WWC1: variants seen among roughly 807,000 people sequenced by gnomAD.
The protein encoded by WWC1 is protein KIBRA.
A neutral mutation model predicts 138.4 loss-of-function variants in WWC1; 55 were observed. That is an observed-to-expected ratio of 0.40 (90% CI 0.32 to 0.50). WWC1 has a LOEUF of 0.50. WWC1 is among the 20% of genes least tolerant of loss of function. The pLI is 0.72. For missense variants in WWC1, 1,226 were observed against 1,420.4 expected (o/e 0.86, Z 2.20); for synonymous variants, 524 against 564.9 (o/e 0.93, Z 1.03).
chr5:168,409,644 AG>A (rs2152840084), intron 7 of WWC1, among the ~76,000 whole-genome samples: 1 of 152,260 alleles, frequency 6.6e-6, no homozygotes, highest in African/African-American at 2.4e-5. Context: ...ATGGGCACCA[AG>A]CCAAGCCATT....
At chr5:168,311,875 TAA>T (rs879658323) in intron 1 of WWC1, among the ~76,000 whole-genome samples, 6 of 136,456 alleles carry the variant, frequency 4.4e-5, no homozygotes, top group Admixed American at 1.5e-4. Flanking sequence ...AGACTCAGTC[TAA>T]AAAAAAAAAA....
At chr5:168,467,382 A>G (rs192891369) in intron 21 of WWC1, among the ~76,000 whole-genome samples, 50 of 152,338 alleles carry the variant, frequency 3.3e-4, no homozygotes, top group African/African-American at 1.2e-3. Context: ...AAGTGTTTAC[A>G]TACGTTTACA....
chr5:168,373,227 A>T (rs546308623), intron 2 of WWC1, among the ~76,000 whole-genome samples: 10 of 152,280 alleles, frequency 6.6e-5, no homozygotes, highest in African/African-American at 2.4e-4. Flanking sequence ...CCCCTCATTA[A>T]AATCTCATGG....
chr5:168,424,796 C>T (rs774441081), intron 11 of WWC1, among the ~76,000 whole-genome samples: 3 of 152,130 alleles, frequency 2.0e-5, no homozygotes, highest in Non-Finnish European at 4.4e-5. Flanking sequence ...ATCCTAATTG[C>T]ACTGGGGACC....
At chr5:168,355,360 G>C (rs557388369) in intron 1 of WWC1, among the ~76,000 whole-genome samples, 7 of 152,180 alleles carry the variant, frequency 4.6e-5, no homozygotes, top group Middle Eastern at 3.4e-3. Context: ...CGGGCATGGT[G>C]GTGGGGGCCT....
intron 1 of WWC1, among the ~76,000 whole-genome samples, chr5:168,326,270 T>C (rs1194696204): frequency 1.4e-5 from 2 of 146,360 alleles, no homozygotes; most frequent in African/African-American, 5.0e-5. Context: ...CAGACTGGAG[T>C]GCAATAGCGT....
rs779822717 is a variant in WWC1, at chr5:168,397,799, G to A, written c.509G>A (p.Arg170Gln). ...LKAEIATAKS[R>Q]VNKLKREMVH... is the part of the protein sequence containing the mutation. ...GCTGAAATTGCCACTGCAAAATCCC[G>A]GGTAGGACCTCTTCACCTATGCTAT... Residue 170 changes from arginine (R) to glutamine (Q), a missense_variant and splice_region_variant, in exon 4 of 23, where the codon CGG becomes CAG. Physicochemically the swap from Arg to Gln is conservative, Grantham distance 43. Around this residue, in one of 3 missense-constraint regions of WWC1, gnomAD observed 1,016 missense variants for 1,153.9 expected, o/e 0.88. Coordinates refer to ENST00000265293, the MANE Select transcript of WWC1 (RefSeq NM_015238.3). The A allele has an allele frequency of 9.9e-6, 16 of 1,613,836 alleles. No homozygotes were observed. Among genetic ancestry groups the A allele is most frequent in the Middle Eastern group, 1.6e-4 (1 of 6,082 alleles).
At position 168,385,208 on chromosome 5, in the gene WWC1, C is replaced by T. The variant is rs1235376290; in HGVS notation, c.230-3C>T. Reference sequence around the variant, plus strand: ...GACCTAGAATCTCTGGGGTCTGTTCCAGAAACCACTCAGATTGAGGATCCT... The same window carrying T: ...GACCTAGAATCTCTGGGGTCTGTTCTAGAAACCACTCAGATTGAGGATCCT... On this transcript the variant is annotated splice_polypyrimidine_tract_variant and splice_region_variant and intron_variant, in intron 2 of 22. Transcript: ENST00000265293. 1.1e-5 allele frequency: 17 copies of T among 1,614,066 alleles called. No individual in the cohort carries two copies. Among genetic ancestry groups the T allele is most frequent in the Non-Finnish European group, 1.4e-5 (16 of 1,179,978 alleles).
At chr5:168,308,112 A>G (rs1240945567) in intron 1 of WWC1, among the ~76,000 whole-genome samples, 3 of 152,170 alleles carry the variant, frequency 2.0e-5, no homozygotes, top group Admixed American at 6.5e-5. Flanking sequence ...ACTAGAAGTC[A>G]AGTGGGTCTT....
At chr5:168,409,718 C>A (rs1390739622) in intron 7 of WWC1, among the ~76,000 whole-genome samples, 2 of 152,198 alleles carry the variant, frequency 1.3e-5, no homozygotes, top group African/African-American at 4.8e-5. Context: ...GATGTCTGAG[C>A]GTACGGTTCT....
chr5:168,315,291 C>G (rs978415871), intron 1 of WWC1, among the ~76,000 whole-genome samples: 1 of 151,994 alleles, frequency 6.6e-6, no homozygotes, highest in Non-Finnish European at 1.5e-5. Flanking sequence ...GGCCGCCACC[C>G]TAAGCCTACT....
chr5:168,460,871 C>G, intron 20 of WWC1, 129 bp downstream of exon 20: 1 of 950,142 alleles, frequency 1.1e-6, no homozygotes, highest in South Asian at 1.5e-5. Flanking sequence ...AAATGTTGCT[C>G]TCTCAAGCAT....
In WWC1 at chr5:168,292,228, G is replaced by A; in HGVS notation, c.76G>A (p.Asp26Asn). The A allele has an allele frequency of 6.3e-7, 1 of 1,591,698 alleles. No individual in the cohort carries two copies. The highest frequency in any genetic ancestry group is 1.1e-5 in the South Asian group (1 of 87,312). ...CTTCGACGGCAAGGTCTACTACATA[G>A]ACCACACGAACCGCACCACCAGCTG... ...RDFDGKVYYI[D>N]HTNRTTSWID... Residue 26 changes from aspartate to asparagine, a missense_variant, in exon 1 of 23, where the codon GAC becomes AAC. Around this residue, in one of 3 missense-constraint regions of WWC1, gnomAD observed 1,016 missense variants for 1,153.9 expected, o/e 0.88. Coordinates refer to ENST00000265293, the MANE Select transcript of WWC1 (RefSeq NM_015238.3). The surrounding 1 kb of genome is among the most constrained non-coding windows in gnomAD (Gnocchi z 4.4).
intron 16 of WWC1, 92 bp from the exon 17 acceptor site, chr5:168,444,401 TG>T: frequency 1.6e-6 from 2 of 1,270,970 alleles, no homozygotes; most frequent in Non-Finnish European, 2.2e-6. Context: ...ATCAATTCAC[TG>T]GGAGGGTCAC....
chr5:168,369,808 T>A (rs947029519), intron 1 of WWC1, among the ~76,000 whole-genome samples: 1 of 152,148 alleles, frequency 6.6e-6, no homozygotes. Flanking sequence ...TAAGTTGGAT[T>A]TGGAGTGAGT....
At chr5:168,359,036 GTGT>G (rs1775680623) in intron 1 of WWC1, among the ~76,000 whole-genome samples, 2 of 16,876 alleles carry the variant, frequency 1.2e-4, no homozygotes, top group South Asian at 3.0e-3. Flanking sequence ...GTGGTGGGGT[GTGT>G]GTGTGTGTGT....
intron 1 of WWC1, among the ~76,000 whole-genome samples, chr5:168,345,052 G>T (rs571433194): frequency 6.6e-6 from 1 of 152,190 alleles, no homozygotes; most frequent in South Asian, 2.1e-4. Flanking sequence ...AATATTGAAG[G>T]TTTTATCTGT....
chr5:168,307,504 T>A (rs951370900), intron 1 of WWC1, among the ~76,000 whole-genome samples: 3 of 151,970 alleles, frequency 2.0e-5, no homozygotes, highest in African/African-American at 7.3e-5. Context: ...GCTCTTTTTC[T>A]GAGTACATTT....
rs116705942 is a variant in WWC1 at position 168,447,238 on chromosome 5, C to T, written c.2525+2653C>T. On this transcript the variant is annotated intron_variant, in intron 17 of 22. Coordinates refer to ENST00000265293, the MANE Select transcript of WWC1 (RefSeq NM_015238.3). ...TGGAGGAAACATTCAATAACTCTTC[C>T]GTATTATTATTCTCTTAGAGCCTCA... Among the ~76,000 whole-genome samples, 937 of 152,296 alleles carry T rather than the reference C, an allele frequency of 6.2e-3. 15 individuals carry two copies. The highest frequency in any genetic ancestry group is 0.021 in the African/African-American group (882 of 41,574).
Sources: gnomAD v4.1 joint callset for allele counts (sites outside exome capture counted in the v4.1 genomes callset) on GRCh38, gnomAD v4.1.1 for gene constraint, gnomAD v4.1.1 regional missense constraint, Gnocchi (gnomAD v3.1) non-coding constraint, MANE v1.5 for transcripts, NCBI Gene and HGNC (gene_info 2026-07-23, HGNC 2026-07-21) for gene names.